Variants in NEGR1 observed in about 807,000 individuals in gnomAD.
The protein encoded by NEGR1 is IgLON family member 4.
NEGR1 carries 10 observed loss-of-function variants against 40.9 expected under a neutral mutation model. That is an observed-to-expected ratio of 0.24 (90% CI 0.15 to 0.42). The LOEUF is 0.42. Ranked by LOEUF, NEGR1 falls within the 10% of genes least tolerant of loss-of-function variation. The pLI, the probability that NEGR1 is intolerant of heterozygous loss-of-function variation, is 1.00. For missense variants in NEGR1, 352 were observed against 438.9 expected, an observed-to-expected ratio of 0.80 and a Z score of 1.77; for synonymous variants, 185 against 166.8, an observed-to-expected ratio of 1.11 and a Z score of -0.84.
At chr1:71,608,046 A>G (rs917519907) in intron 5 of NEGR1, among the ~76,000 whole-genome samples, 3 of 152,228 alleles carry the variant, frequency 2.0e-5, no homozygotes, top group South Asian at 2.1e-4. Context: ...GTGAATCTGC[A>G]TAGTGAGCGC....
intron 1 of NEGR1, among the ~76,000 whole-genome samples, chr1:72,150,897 C>T (rs973757077): frequency 4.6e-5 from 7 of 152,038 alleles, no homozygotes; most frequent in Admixed American, 3.3e-4. Flanking sequence ...TAATCACAAT[C>T]TTCCTGACTC....
chr1:71,706,118 C>A (rs942158437), intron 3 of NEGR1, among the ~76,000 whole-genome samples: 1 of 152,210 alleles, frequency 6.6e-6, no homozygotes, highest in African/African-American at 2.4e-5. Context: ...CCAGCCACCC[C>A]CTTCCCCAAG....
At chr1:72,207,067 T>C (rs1169172771) in intron 1 of NEGR1, among the ~76,000 whole-genome samples, 2 of 150,408 alleles carry the variant, frequency 1.3e-5, no homozygotes, top group Non-Finnish European at 3.0e-5. Context: ...AAGAACATGT[T>C]TAGGATGAAA....
At chr1:71,593,288 T>G (rs1557579721) in intron 5 of NEGR1, among the ~76,000 whole-genome samples, 1 of 152,194 alleles carries the variant, frequency 6.6e-6, no homozygotes, top group Non-Finnish European at 1.5e-5. Flanking sequence ...TCTCATCTAT[T>G]AAAGTCAGGA....
In NEGR1 at chr1:71,929,417, T is replaced by C. The variant is rs551717439; in HGVS notation, c.409+5662A>G. Among the ~76,000 whole-genome samples the C allele has an allele frequency of 2.0e-5, 3 of 152,278 alleles. No individual in the cohort carries two copies. The East Asian group carries it at 5.8e-4, about 29-fold the overall frequency. On this transcript the variant is annotated intron_variant, in intron 2 of 6. Coordinates refer to ENST00000357731, the MANE Select transcript of NEGR1 (RefSeq NM_173808.3). ...TAACAGCATGAGGTTTGAATCTTTGTCCATTTCTTTGTGTTTTAGAGCATG... is the reference window on the plus strand; with the variant it reads ...TAACAGCATGAGGTTTGAATCTTTGCCCATTTCTTTGTGTTTTAGAGCATG...
At chr1:71,976,885 T>C (rs1388633311) in intron 1 of NEGR1, among the ~76,000 whole-genome samples, 1 of 152,226 alleles carries the variant, frequency 6.6e-6, no homozygotes, top group Admixed American at 6.6e-5. Flanking sequence ...AAATAAATAA[T>C]TTAAAAATAG....
At chr1:71,979,877 C>T (rs1321321250) in intron 1 of NEGR1, among the ~76,000 whole-genome samples, 1 of 152,064 alleles carries the variant, frequency 6.6e-6, no homozygotes. Flanking sequence ...GATCATTCTC[C>T]ACCTTATGCA....
chr1:71,433,961 GGTT>G (rs1228471781), intron 6 of NEGR1, among the ~76,000 whole-genome samples: 1 of 152,184 alleles, frequency 6.6e-6, no homozygotes. Flanking sequence ...GTCACGTTGA[GGTT>G]GTTAAGTCAG....
intron 3 of NEGR1, among the ~76,000 whole-genome samples, chr1:71,759,062 A>G (rs926086867): frequency 1.3e-5 from 2 of 152,128 alleles, no homozygotes; most frequent in Non-Finnish European, 2.9e-5. Flanking sequence ...GTGCTAACCT[A>G]TGTTAGAGCA....
intron 6 of NEGR1, among the ~76,000 whole-genome samples, chr1:71,431,121 C>A (rs970541324): frequency 2.8e-4 from 40 of 143,376 alleles, no homozygotes; most frequent in Admixed American, 8.5e-4. Context: ...CAAAAAAAGA[C>A]CTTTTTTATG....
At chr1:71,782,499 T>C (rs1363451712) in intron 2 of NEGR1, among the ~76,000 whole-genome samples, 3 of 152,152 alleles carry the variant, frequency 2.0e-5, no homozygotes, top group South Asian at 4.1e-4. Flanking sequence ...TTATCATTGG[T>C]ATTTATTTCT....
intron 2 of NEGR1, among the ~76,000 whole-genome samples, chr1:71,907,041 G>T (rs577635475): frequency 9.2e-5 from 14 of 152,226 alleles, no homozygotes; most frequent in African/African-American, 3.1e-4. Flanking sequence ...TTTTGTCTTA[G>T]CTCTGCTACA....
At chr1:71,512,344 A>G (rs1647080143) in intron 6 of NEGR1, among the ~76,000 whole-genome samples, 1 of 152,186 alleles carries the variant, frequency 6.6e-6, no homozygotes, top group Non-Finnish European at 1.5e-5. Context: ...ATGGAAGCAG[A>G]TTATCTTGTG....
At chr1:72,260,628 C>T (rs114383619) in intron 1 of NEGR1, among the ~76,000 whole-genome samples, 1,923 of 151,318 alleles carry the variant, frequency 0.013, 39 homozygotes, top group African/African-American at 0.045. Context: ...ATTACTCTGT[C>T]AGATACTTTT....
At chr1:71,451,331 A>AG (rs1416978653) in intron 6 of NEGR1, among the ~76,000 whole-genome samples, 1 of 79,278 alleles carries the variant, frequency 1.3e-5, no homozygotes, top group African/African-American at 4.8e-5. Flanking sequence ...GTAGTGCTAC[A>AG]GATTTTTTTT....
At chr1:72,123,005 C>A (rs1239408031) in intron 1 of NEGR1, among the ~76,000 whole-genome samples, 1 of 151,698 alleles carries the variant, frequency 6.6e-6, no homozygotes, top group Non-Finnish European at 1.5e-5. Flanking sequence ...CCTGGAATAC[C>A]CTTTTAAAAT....
intron 1 of NEGR1, among the ~76,000 whole-genome samples, chr1:72,067,966 TGC>T (rs1435873994): frequency 6.6e-6 from 1 of 152,184 alleles, no homozygotes; most frequent in East Asian, 1.9e-4. Context: ...AAATGTATAT[TGC>T]CAAGTTCTCC....
chr1:71,417,465 GA>G (rs1187092629), intron 6 of NEGR1, among the ~76,000 whole-genome samples: 1 of 152,148 alleles, frequency 6.6e-6, no homozygotes, highest in Non-Finnish European at 1.5e-5. Context: ...TCCATCTACT[GA>G]AAAGACGAAT....
At chr1:72,249,690 T>G (rs573778330) in intron 1 of NEGR1, among the ~76,000 whole-genome samples, 1 of 152,250 alleles carries the variant, frequency 6.6e-6, no homozygotes, top group Non-Finnish European at 1.5e-5. Flanking sequence ...TAAATAAAAC[T>G]TGACATTTGT....
Sources: allele counts gnomAD v4.1 joint callset (sites outside exome capture counted in the v4.1 genomes callset), GRCh38; gene constraint gnomAD v4.1.1; transcripts MANE v1.5; gene names NCBI Gene and HGNC (gene_info 2026-07-23, HGNC 2026-07-21).